PTPRG: variants seen among roughly 807,000 people sequenced by gnomAD.
PTPRG encodes the protein receptor-type tyrosine-protein phosphatase gamma.
A neutral mutation model predicts 165.3 loss-of-function variants in PTPRG; 102 were observed. The ratio of observed to expected loss-of-function variants is 0.62; its 90% CI spans 0.53 to 0.73. The LOEUF is 0.73. Ranked by LOEUF, PTPRG falls within the 30% of genes least tolerant of loss-of-function variation. The pLI, the probability that PTPRG is intolerant of heterozygous loss-of-function variation, is 0.00. For missense variants in PTPRG, 1,866 were observed against 1,861.4 expected, an observed-to-expected ratio of 1.00 and a Z score of -0.05; for synonymous variants, 675 against 669.5, an observed-to-expected ratio of 1.01 and a Z score of -0.13.
At chr3:61,916,412 G>A (rs2038936681) in intron 2 of PTPRG, among the ~76,000 whole-genome samples, 1 of 152,072 alleles carries the variant, frequency 6.6e-6, no homozygotes, top group African/African-American at 2.4e-5. Flanking sequence ...GCACCAAAGA[G>A]ACTATTTTAA....
At chr3:61,868,111 G>T (rs2037460842) in intron 2 of PTPRG, among the ~76,000 whole-genome samples, 2 of 152,166 alleles carry the variant, frequency 1.3e-5, no homozygotes, top group South Asian at 4.1e-4. Context: ...ATGAAGAAGT[G>T]CAGAGGAGAA....
chr3:61,879,304 A>G (rs1293856388), intron 2 of PTPRG, among the ~76,000 whole-genome samples: 1 of 152,234 alleles, frequency 6.6e-6, no homozygotes, highest in Non-Finnish European at 1.5e-5. Context: ...CGATCAGCTC[A>G]TACTGCAATA....
chr3:61,752,785 C>CAAAAA (rs749817659), intron 2 of PTPRG, among the ~76,000 whole-genome samples: 15 of 69,980 alleles, frequency 2.1e-4, no homozygotes, highest in African/African-American at 2.8e-4. Flanking sequence ...AAGACTGTCT[C>CAAAAA]AAAAAAAAAA....
At chr3:61,579,087 A>G (rs1700226093) in intron 1 of PTPRG, among the ~76,000 whole-genome samples, 3 of 152,174 alleles carry the variant, frequency 2.0e-5, no homozygotes, top group Non-Finnish European at 4.4e-5. Flanking sequence ...GTGGGAACAA[A>G]AAGAGTTCCC....
intron 2 of PTPRG, among the ~76,000 whole-genome samples, chr3:61,963,765 C>G (rs2040207495): frequency 6.6e-6 from 1 of 151,902 alleles, no homozygotes; most frequent in African/African-American, 2.4e-5. Context: ...ATATTCATGA[C>G]AAGTTGAAGC....
intron 1 of PTPRG, among the ~76,000 whole-genome samples, chr3:61,626,078 C>T (rs1171325246): frequency 2.7e-5 from 4 of 149,880 alleles, no homozygotes; most frequent in African/African-American, 9.9e-5. Context: ...AGGGGCTTGT[C>T]TTCAAATAAA....
At chr3:61,792,795 C>G (rs904497000) in intron 2 of PTPRG, among the ~76,000 whole-genome samples, 8 of 151,582 alleles carry the variant, frequency 5.3e-5, no homozygotes, top group Non-Finnish European at 1.2e-4. Flanking sequence ...GTGGCGTGAT[C>G]TCGGCTCACT....
At chr3:62,290,242 G>C (rs551733359) in intron 28 of PTPRG, among the ~76,000 whole-genome samples, 5 of 152,222 alleles carry the variant, frequency 3.3e-5, no homozygotes, top group Non-Finnish European at 5.9e-5. Context: ...AAGACATTGT[G>C]TTCATGAAGA....
intron 3 of PTPRG, among the ~76,000 whole-genome samples, chr3:62,001,000 G>C (rs2041161030): frequency 6.8e-6 from 1 of 146,896 alleles, no homozygotes; most frequent in African/African-American, 2.6e-5. Context: ...CCTTCCTGAG[G>C]TTACCACTGT....
intron 5 of PTPRG, among the ~76,000 whole-genome samples, chr3:62,082,390 G>A (rs1701612062): frequency 6.6e-6 from 1 of 152,142 alleles, no homozygotes; most frequent in Non-Finnish European, 1.5e-5. Context: ...CCCTTACATT[G>A]GCCTAGAGTA....
chr3:62,066,060 A>G (rs914183319), intron 4 of PTPRG, among the ~76,000 whole-genome samples: 1 of 152,190 alleles, frequency 6.6e-6, no homozygotes, highest in Non-Finnish European at 1.5e-5. Flanking sequence ...AAAAGAGCAT[A>G]ACTTGTCTTT....
chr3:61,802,024 C>CA (rs112361163), intron 2 of PTPRG, among the ~76,000 whole-genome samples: 44,229 of 112,556 alleles, frequency 0.39, 7,906 homozygotes, highest in Middle Eastern at 0.47. Context: ...GACTCCATCT[C>CA]AAAAAAAAAA....
chr3:62,106,518 T>A (rs1428279677), intron 5 of PTPRG, among the ~76,000 whole-genome samples: 2 of 151,072 alleles, frequency 1.3e-5, no homozygotes, highest in Admixed American at 6.6e-5. Flanking sequence ...TTTTTTTTTT[T>A]TTGGCTTGAT....
At chr3:62,017,389 T>G (rs1382600298) in intron 4 of PTPRG, among the ~76,000 whole-genome samples, 2 of 151,798 alleles carry the variant, frequency 1.3e-5, no homozygotes, top group African/African-American at 4.8e-5. Context: ...GCTGTGAGGC[T>G]AAGCGTTAAT....
chr3:62,168,493 T>C (rs2106735963), intron 8 of PTPRG, among the ~76,000 whole-genome samples: 1 of 152,344 alleles, frequency 6.6e-6, no homozygotes, highest in South Asian at 2.1e-4. Flanking sequence ...ATCAGGAGCT[T>C]ATCTCTGAGC....
chr3:62,203,437 G>A lies in PTPRG; in HGVS notation c.1642G>A (p.Ala548Thr), dbSNP rs769538641. The A allele has an allele frequency of 5.6e-6, 9 of 1,599,966 alleles. No individual in the cohort carries two copies. In the Admixed American group the frequency reaches 1.0e-4, roughly 18 times the overall value. The change falls in exon 12 of 30, where the codon GCG becomes ACG. Residue 548 changes from alanine (A) to threonine (T), a missense_variant. By Grantham distance (58) the Ala-to-Thr change is moderately conservative. This residue lies in a region of PTPRG where 1,452 missense variants were observed against 1,463.0 expected (regional missense o/e 0.99). Coordinates refer to ENST00000474889, the MANE Select transcript of PTPRG (RefSeq NM_002841.4). This position sits in a 1 kb window ranked among gnomAD's most constrained non-coding sequence, Gnocchi z 6.4. ...LPTAASASKQ[A>T]ARPVLATTEA... ...GACGGCCGCCTCAGCCAGCAAGCAG[G>A]CGGCTAGGCCAGTCCTAGCCACCAC...
chr3:61,937,337 A>G (rs1006529515), intron 2 of PTPRG, among the ~76,000 whole-genome samples: 1 of 152,138 alleles, frequency 6.6e-6, no homozygotes, highest in Non-Finnish European at 1.5e-5. Flanking sequence ...TGCTGTCGCA[A>G]AGTGTCCTTT....
chr3:62,109,425 C>G (rs945818991), intron 5 of PTPRG, among the ~76,000 whole-genome samples: 2 of 152,164 alleles, frequency 1.3e-5, no homozygotes, highest in Non-Finnish European at 2.9e-5. Flanking sequence ...GGTACCAGTA[C>G]CGTGCTGTTT....
At chr3:62,132,479 G>A in intron 5 of PTPRG, 123 bp from the exon 6 acceptor site, 1 of 772,064 alleles carries the variant, frequency 1.3e-6, no homozygotes, top group Non-Finnish European at 2.3e-6. Flanking sequence ...CATGGTGTAT[G>A]TGAGACCTAA....
Sources: gnomAD v4.1 joint callset for allele counts (sites outside exome capture counted in the v4.1 genomes callset) on GRCh38, gnomAD v4.1.1 for gene constraint, gnomAD v4.1.1 regional missense constraint, Gnocchi (gnomAD v3.1) non-coding constraint, MANE v1.5 for transcripts, NCBI Gene and HGNC (gene_info 2026-07-23, HGNC 2026-07-21) for gene names.